Variants in EIF2B5 observed in about 807,000 individuals in gnomAD.
EIF2B5 encodes the protein eukaryotic translation initiation factor 2B subunit epsilon.
Under a neutral mutation model 87.3 loss-of-function variants are expected in EIF2B5, and 38 were observed. The ratio of observed to expected loss-of-function variants is 0.44; its 90% CI spans 0.34 to 0.57. EIF2B5 has a LOEUF of 0.57. EIF2B5 is among the 20% of genes least tolerant of loss of function. The pLI is 0.02. For missense variants in EIF2B5, 784 were observed against 909.5 expected, an observed-to-expected ratio of 0.86 and a Z score of 1.78; for synonymous variants, 313 against 339.6, an observed-to-expected ratio of 0.92 and a Z score of 0.86.
chr3:184,144,575 C>G (rs1245591727), intron 14 of EIF2B5, 22 bp from the exon 15 acceptor site: 1 of 1,607,334 alleles, frequency 6.2e-7, no homozygotes, highest in East Asian at 2.2e-5. Context: ...CCCCTGAGGT[C>G]CCCTTTATTG....
rs146484719 is a variant in EIF2B5 at position 184,143,049 on chromosome 3, C to T, written c.1655-3C>T. The T allele has an allele frequency of 5.1e-5, 82 of 1,612,990 alleles. No individual in the cohort carries two copies. The East Asian group carries it at 1.8e-3, about 36-fold the overall frequency. On this transcript the variant is annotated splice_region_variant and splice_polypyrimidine_tract_variant and intron_variant, in intron 11 of 15. Coordinates refer to ENST00000648915, the MANE Select transcript of EIF2B5 (RefSeq NM_003907.3). ...CATGAACTTATCCTTGCTTTGATTT[C>T]AGTGTTCCAGAATGAAGTTTTAGGA...
At position 184,142,567 on chromosome 3, in the gene EIF2B5, A is replaced by C; in HGVS notation, c.1510A>C (p.Met504Leu). ...CCTCTGGAAAGCTGCAGGCATGAAC[A>C]TGGAGGAAGAGGAGGAACTGCAGCA... is the stretch of plus-strand genomic sequence containing the variant. ...GYLWKAAGMN[M>L]EEEEELQQNL... Residue 504 changes from methionine to leucine, a missense_variant, in exon 10 of 16, where the codon ATG becomes CTG. By Grantham distance (15) the Met-to-Leu change is conservative. Around this residue, in one of 3 missense-constraint regions of EIF2B5, gnomAD observed 660 missense variants for 789.5 expected, o/e 0.84. Coordinates refer to ENST00000648915, the MANE Select transcript of EIF2B5 (RefSeq NM_003907.3). This position sits in a 1 kb window ranked among gnomAD's most constrained non-coding sequence, Gnocchi z 5.0. 6.2e-7 allele frequency: 1 copy of C among 1,614,158 alleles called. No individual in the cohort carries two copies. Among genetic ancestry groups the C allele is most frequent in the Admixed American group, 1.7e-5 (1 of 60,018 alleles).
intron 5 of EIF2B5, among the ~76,000 whole-genome samples, chr3:184,138,480 C>T (rs1713465466): frequency 6.6e-6 from 1 of 151,600 alleles, no homozygotes; most frequent in Admixed American, 6.6e-5. Context: ...CCTCAGCCTC[C>T]TGAGTAGCAG....
chr3:184,135,537 G>C lies in EIF2B5; in HGVS notation c.152G>C (p.Ser51Thr), dbSNP rs542690067. 27 of 1,591,214 alleles carry C rather than the reference G, an allele frequency of 1.7e-5. No individual in the cohort carries two copies. The East Asian group carries it at 2.5e-4, about 15-fold the overall frequency. The change falls in exon 1 of 16, where the codon AGC becomes ACC. Residue 51 changes from serine to threonine, a missense_variant. Coordinates refer to ENST00000648915, the MANE Select transcript of EIF2B5 (RefSeq NM_003907.3). ...PPLQAVLVAD[S>T]FDRRFFPISK... ...CTACAAGCAGTTCTGGTGGCCGATA[G>C]CTTCGATCGCCGCTTCTTCCCCATC...
intron 5 of EIF2B5, 23 bp downstream of exon 5, chr3:184,138,269 T>C (rs778825138): frequency 6.2e-7 from 1 of 1,607,456 alleles, no homozygotes; most frequent in East Asian, 2.2e-5. Context: ...GGGCTGGGGC[T>C]GCACACCCAA....
Position 184,136,736 on chromosome 3 carries a change from T to C in EIF2B5, c.320T>C (p.Leu107Pro), listed in dbSNP as rs1257414045. ...GCTGCTCAAATCAAAGAACATTTACTGTAAGGCCCTGCAACTTTTCTTTCC... is the reference window on the plus strand; with the variant it reads ...GCTGCTCAAATCAAAGAACATTTACCGTAAGGCCCTGCAACTTTTCTTTCC... ...WKAAQIKEHL[L>P]KSKWCRPTSL... Residue 107 changes from leucine (L) to proline (P), a missense_variant and splice_region_variant, in exon 2 of 16, where the codon CTG (leucine) becomes CCG (proline). Leu to Pro is a moderately conservative substitution (Grantham distance 98, BLOSUM62 -3). Around this residue, in one of 3 missense-constraint regions of EIF2B5, gnomAD observed 660 missense variants for 789.5 expected, o/e 0.84. Transcript: ENST00000648915. The C allele has an allele frequency of 2.5e-6, 4 of 1,614,090 alleles. No homozygotes were observed. Among genetic ancestry groups the C allele is most frequent in the Admixed American group, 1.7e-5 (1 of 60,002 alleles).
chr3:184,138,270 G>A, intron 5 of EIF2B5, 24 bp downstream of exon 5: 6 of 1,605,910 alleles, frequency 3.7e-6, no homozygotes, highest in Non-Finnish European at 5.1e-6. Flanking sequence ...GGCTGGGGCT[G>A]CACACCCAAA....
Position 184,135,422 on chromosome 3 carries a change from G to A in EIF2B5, c.37G>A (p.Val13Ile), listed in dbSNP as rs577738220. The A allele has an allele frequency of 1.1e-5, 18 of 1,582,636 alleles. No individual in the cohort carries two copies. The African/African-American group carries it at 2.4e-4, about 21-fold the overall frequency. Residue 13 changes from valine to isoleucine, a missense_variant, in exon 1 of 16, where the codon GTT becomes ATT. This residue lies in a region of EIF2B5 where 117 missense variants were observed against 101.0 expected (regional missense o/e 1.16). Coordinates refer to ENST00000648915, the MANE Select transcript of EIF2B5 (RefSeq NM_003907.3). The stretch of plus-strand genomic sequence containing the variant: ...TGTAGTGGCGCCGCCTGGTGTGGTG[G>A]TTAGTCGGGCTAACAAGCGCAGCGG... ...APVVAPPGVV[V>I]SRANKRSGAG...
At position 184,142,137 on chromosome 3, in the gene EIF2B5, CATT is replaced by C. The variant is rs1713663418; in HGVS notation, c.1302+71_1302+73del. ...GGCAGTCACACTGAGCCAGAAGGGGCATTATTTCCACCCATAATCCTGTCTAAA... is the reference window on the plus strand; with the variant it reads ...GGCAGTCACACTGAGCCAGAAGGGGCATTTCCACCCATAATCCTGTCTAAA... On this transcript the variant is annotated intron_variant, in intron 8 of 15. Coordinates refer to ENST00000648915, the MANE Select transcript of EIF2B5 (RefSeq NM_003907.3). The surrounding 1 kb of genome is among the most constrained non-coding windows in gnomAD (Gnocchi z 5.0). 1 of 1,613,664 alleles carries C rather than the reference CATT, an allele frequency of 6.2e-7. No individual in the cohort carries two copies. The highest frequency in any genetic ancestry group is 1.1e-5 in the South Asian group (1 of 90,974).
chr3:184,140,620 G>T lies in EIF2B5; in HGVS notation c.1046G>T (p.Ser349Ile). Residue 349 changes from serine (S) to isoleucine (I), a missense_variant, in exon 7 of 16, where the codon AGC (serine) becomes ATC (isoleucine). Ser to Ile is a moderately radical substitution (Grantham distance 142, BLOSUM62 -2). This residue lies in a region of EIF2B5 where 660 missense variants were observed against 789.5 expected (regional missense o/e 0.84). Coordinates refer to ENST00000648915, the MANE Select transcript of EIF2B5 (RefSeq NM_003907.3). Reference sequence around the variant, plus strand: ...AACATCTACCGAGGGCCTGAGGTCAGCCTGGGCCATGGCAGCATCCTAGAG... The same window carrying T: ...AACATCTACCGAGGGCCTGAGGTCATCCTGGGCCATGGCAGCATCCTAGAG... ...RHNIYRGPEV[S>I]LGHGSILEEN... is the part of the protein sequence containing the mutation. The T allele has an allele frequency of 1.2e-6, 2 of 1,614,196 alleles. No individual in the cohort carries two copies. The highest frequency in any genetic ancestry group is 1.7e-6 in the Non-Finnish European group (2 of 1,180,032).
At position 184,135,530 on chromosome 3, in the gene EIF2B5, G is replaced by C; in HGVS notation, c.145G>C (p.Ala49Pro). ...GCCGCCCCTACAAGCAGTTCTGGTG[G>C]CCGATAGCTTCGATCGCCGCTTCTT... ...PPPPLQAVLV[A>P]DSFDRRFFPI... is the part of the protein sequence containing the mutation. The change falls in exon 1 of 16, where the codon GCC becomes CCC. Residue 49 changes from alanine to proline, a missense_variant. Physicochemically the swap from Ala to Pro is conservative, Grantham distance 27. Coordinates refer to ENST00000648915, the MANE Select transcript of EIF2B5 (RefSeq NM_003907.3). 1 of 1,590,830 alleles carries C rather than the reference G, an allele frequency of 6.3e-7. No homozygotes were observed. The highest frequency in any genetic ancestry group is 8.5e-7 in the Non-Finnish European group (1 of 1,169,628).
chr3:184,140,784 G>C (rs368926515), intron 7 of EIF2B5, 54 bp downstream of exon 7: 2 of 1,595,708 alleles, frequency 1.3e-6, no homozygotes, highest in African/African-American at 2.7e-5. Flanking sequence ...AACCTGGGGG[G>C]GCCACGTCTC....
rs753295628 is a variant in EIF2B5, at chr3:184,135,520, A to G, written c.135A>G (p.Ala45=). ...AEEEPPPPLQ[A]VLVADSFDRR... ...AGGAACCGCCGCCGCCCCTACAAGC[A>G]GTTCTGGTGGCCGATAGCTTCGATC... Residue 45 remains alanine (A), a synonymous_variant, in exon 1 of 16, where the codon GCA becomes GCG. Transcript: ENST00000648915. The G allele has an allele frequency of 1.2e-5, 19 of 1,589,572 alleles. No homozygotes were observed. The highest frequency in any genetic ancestry group is 5.3e-5 in the Admixed American group (3 of 56,680).
rs748514205 is a variant in EIF2B5 at position 184,140,696 on chromosome 3, C to T, written c.1122C>T (p.Ile374=). ...SGTVIGSNCF[I]TNSVIGPGCH... ...CTGTCATTGGCAGCAATTGCTTTATCACCAACAGTGTCATTGGCCCCGGCT... is the reference window on the plus strand; with the variant it reads ...CTGTCATTGGCAGCAATTGCTTTATTACCAACAGTGTCATTGGCCCCGGCT... Residue 374 remains isoleucine, a synonymous_variant, in exon 7 of 16, where the codon ATC becomes ATT. Transcript: ENST00000648915. The T allele has an allele frequency of 3.7e-6, 6 of 1,614,188 alleles. No individual in the cohort carries two copies. Among genetic ancestry groups the T allele is most frequent in the Non-Finnish European group, 4.2e-6 (5 of 1,180,040 alleles).
rs150130018 is a variant in EIF2B5, at chr3:184,144,163, C to T, written c.1934C>T (p.Ala645Val). 2.3e-4 allele frequency: 369 copies of T among 1,614,212 alleles called. No homozygotes were observed. In the African/African-American group the frequency reaches 4.4e-3, roughly 19 times the overall value. Residue 645 changes from alanine (A) to valine (V), a missense_variant, in exon 14 of 16, where the codon GCG (alanine) becomes GTG (valine). This residue lies in a region of EIF2B5 where 660 missense variants were observed against 789.5 expected (regional missense o/e 0.84). Transcript: ENST00000648915. ...YIKRAADHLEALAAIEDFFLE... is the reference protein window; with the variant it reads ...YIKRAADHLEVLAAIEDFFLE... ...AAGCGCGCAGCCGACCATTTGGAAG[C>T]GTTAGCAGCCATTGAGGACTTCTTC...
intron 13 of EIF2B5, 157 bp from the exon 14 acceptor site, chr3:184,143,942 A>G (rs554572748): frequency 5.7e-5 from 68 of 1,194,072 alleles, no homozygotes; most frequent in Non-Finnish European, 3.8e-5. Flanking sequence ...CTTTTTCCCA[A>G]ACCCTGTCAA....
At position 184,140,361 on chromosome 3, in the gene EIF2B5, TGGG is replaced by T. The variant is rs1002697060; in HGVS notation, c.844-54_844-52del. The T allele has an allele frequency of 1.9e-6, 3 of 1,585,608 alleles. No individual in the cohort carries two copies. In the African/African-American group the frequency reaches 4.0e-5, roughly 21 times the overall value. ...TTAAAAGGATTAGAAAAGTTGTACTTGGGGGCATTCTTCCTGTCTTTCTTGCTT... is the reference window on the plus strand; with the variant it reads ...TTAAAAGGATTAGAAAAGTTGTACTTGGCATTCTTCCTGTCTTTCTTGCTT... On this transcript the variant is annotated intron_variant, in intron 6 of 15. Transcript: ENST00000648915.
At chr3:184,139,733 C>T (rs1038152693) in intron 5 of EIF2B5, among the ~76,000 whole-genome samples, 3 of 151,536 alleles carry the variant, frequency 2.0e-5, no homozygotes, top group African/African-American at 7.3e-5. Flanking sequence ...AGTACTTAAT[C>T]CTGGCCAAGC....
chr3:184,143,565 T>G lies in EIF2B5; in HGVS notation c.1869T>G (p.Pro623=), dbSNP rs1208577356. The G allele has an allele frequency of 6.2e-7, 1 of 1,614,210 alleles. No homozygotes were observed. Among genetic ancestry groups the G allele is most frequent in the Admixed American group, 1.7e-5 (1 of 60,028 alleles). The change falls in exon 13 of 16, where the codon CCT becomes CCG. Residue 623 remains proline, a splice_region_variant and synonymous_variant. Coordinates refer to ENST00000648915, the MANE Select transcript of EIF2B5 (RefSeq NM_003907.3). ...GCCGCTACTGTGCCCTGCTGCTTCC[T>G]GTGAGCAAAGATTGGAGCTGAGTAC... ...DSSRYCALLL[P]LLKAWSPVFR...
Sources: allele counts gnomAD v4.1 joint callset (sites outside exome capture counted in the v4.1 genomes callset), GRCh38; gene constraint gnomAD v4.1.1; regional missense constraint gnomAD v4.1.1; non-coding constraint Gnocchi (gnomAD v3.1); transcripts MANE v1.5; gene names NCBI Gene and HGNC (gene_info 2026-07-23, HGNC 2026-07-21).